Variants in NFATC1 observed in about 807,000 individuals in gnomAD.
The protein encoded by NFATC1 is nuclear factor of activated T cells 1.
In NFATC1, 22 loss-of-function variants were observed where a neutral mutation model predicts 76.0. That is an observed-to-expected ratio of 0.29 (90% CI 0.21 to 0.41). The LOEUF (loss-of-function observed/expected upper bound fraction) is 0.41, where lower values mean the gene tolerates loss of function less well. NFATC1 is among the 10% of genes least tolerant of loss of function. The pLI is 1.00. For missense variants in NFATC1, 1,357 were observed against 1,337.7 expected, an observed-to-expected ratio of 1.01 and a Z score of -0.23; for synonymous variants, 704 against 613.1, an observed-to-expected ratio of 1.15 and a Z score of -2.19.
At chr18:79,445,612 C>T (rs963136005) in intron 3 of NFATC1, among the ~76,000 whole-genome samples, 19 of 152,218 alleles carry the variant, frequency 1.2e-4, no homozygotes, top group Admixed American at 5.2e-4. Context: ...GGGTTGAAAC[C>T]GGTTTGTGAG....
chr18:79,407,393 G>T (rs1458366385), intron 1 of NFATC1, among the ~76,000 whole-genome samples: 1 of 152,172 alleles, frequency 6.6e-6, no homozygotes, highest in East Asian at 1.9e-4. Context: ...CCCAGCTCCA[G>T]CTCCACCCCA....
At chr18:79,450,381 AATTT>A (rs1170791193) in intron 4 of NFATC1, among the ~76,000 whole-genome samples, 9 of 149,140 alleles carry the variant, frequency 6.0e-5, no homozygotes, top group African/African-American at 2.0e-4. Context: ...ATAATAGAAT[AATTT>A]ATTCTAATTA....
chr18:79,466,705 G>A (rs1182213993), intron 7 of NFATC1, among the ~76,000 whole-genome samples: 1 of 152,228 alleles, frequency 6.6e-6, no homozygotes, highest in Non-Finnish European at 1.5e-5. Flanking sequence ...GTCTGCGGGG[G>A]TCAGGGCCTG....
intron 1 of NFATC1, among the ~76,000 whole-genome samples, chr18:79,401,443 C>A (rs932758426): frequency 1.3e-5 from 2 of 152,082 alleles, no homozygotes; most frequent in Non-Finnish European, 2.9e-5. Context: ...TCACCACTCC[C>A]CAAATGTCTT....
intron 2 of NFATC1, among the ~76,000 whole-genome samples, chr18:79,423,102 T>C (rs1324651429): frequency 2.0e-5 from 3 of 149,400 alleles, no homozygotes; most frequent in African/African-American, 7.4e-5. Flanking sequence ...CTGGGAGGGT[T>C]GGGGCGCGTA....
intron 1 of NFATC1, chr18:79,400,612 G>A (rs1287787618): frequency 2.6e-6 from 2 of 764,258 alleles, no homozygotes; most frequent in Non-Finnish European, 1.8e-6. Flanking sequence ...GAGGGGCTAC[G>A]GCGGGGGACG....
chr18:79,400,235 A>C (rs56376587), intron 1 of NFATC1: 549,531 of 1,192,814 alleles, frequency 0.46, 130,411 homozygotes, highest in Middle Eastern at 0.5. Flanking sequence ...CCGGTTGTTT[A>C]TGTAAACCCG....
chr18:79,443,081 C>T (rs1027689601), intron 3 of NFATC1, among the ~76,000 whole-genome samples: 1 of 152,130 alleles, frequency 6.6e-6, no homozygotes, highest in East Asian at 1.9e-4. Flanking sequence ...GTTTTTCAGT[C>T]GCGGCTGGAA....
chr18:79,445,052 C>T (rs73969267), intron 3 of NFATC1, among the ~76,000 whole-genome samples: 5,792 of 152,314 alleles, frequency 0.038, 328 homozygotes, highest in African/African-American at 0.13. Context: ...GGGGTGTGTC[C>T]TGGTCCTCCA....
intron 2 of NFATC1, among the ~76,000 whole-genome samples, chr18:79,426,429 G>A (rs1600676813): frequency 2.0e-5 from 3 of 152,080 alleles, no homozygotes; most frequent in African/African-American, 4.8e-5. Flanking sequence ...TCCATGCCAC[G>A]TCCCATGCCG....
intron 1 of NFATC1, among the ~76,000 whole-genome samples, chr18:79,398,929 T>C (rs2148120166): frequency 6.6e-6 from 1 of 152,010 alleles, no homozygotes; most frequent in South Asian, 2.1e-4. Context: ...TAGCTGAGAG[T>C]GGTGGCGGGT....
chr18:79,423,527 A>G (rs998906298), intron 2 of NFATC1, among the ~76,000 whole-genome samples: 2 of 152,134 alleles, frequency 1.3e-5, no homozygotes, highest in East Asian at 1.9e-4. Context: ...CCGTGGCCAC[A>G]TCGGTCCTGG....
intron 1 of NFATC1, chr18:79,400,567 CG>C: frequency 1.7e-6 from 2 of 1,198,424 alleles, no homozygotes; most frequent in Non-Finnish European, 1.1e-6. Flanking sequence ...CGTCGCTCCC[CG>C]GGGACCCCAG....
chr18:79,411,849 T>G (rs2085699082), intron 2 of NFATC1, among the ~76,000 whole-genome samples: 1 of 152,250 alleles, frequency 6.6e-6, no homozygotes, highest in Non-Finnish European at 1.5e-5. Context: ...GGCTTCCACG[T>G]GGGAATTCCG....
chr18:79,510,288 A>G (rs2145169957), intron 9 of NFATC1, among the ~76,000 whole-genome samples: 1 of 152,282 alleles, frequency 6.6e-6, no homozygotes, highest in South Asian at 2.1e-4. Context: ...AAAAGATGAC[A>G]TAGAATGAGT....
chr18:79,491,556 C>T (rs2089677039), intron 9 of NFATC1, among the ~76,000 whole-genome samples: 1 of 152,208 alleles, frequency 6.6e-6, no homozygotes, highest in East Asian at 1.9e-4. Context: ...AGGCCAGGGA[C>T]CTCCTGGCCA....
intron 9 of NFATC1, among the ~76,000 whole-genome samples, chr18:79,488,100 C>T (rs566136555): frequency 3.7e-4 from 56 of 152,242 alleles, no homozygotes; most frequent in Non-Finnish European, 5.7e-4. Context: ...GACTCCCGGG[C>T]GTCAGGAGCT....
chr18:79,443,809 A>G (rs2087083751), intron 3 of NFATC1, among the ~76,000 whole-genome samples: 1 of 152,218 alleles, frequency 6.6e-6, no homozygotes. Context: ...CAGGCTGCCC[A>G]GAGACCCCAG....
chr18:79,404,428 A>C (rs1192479985), intron 1 of NFATC1, among the ~76,000 whole-genome samples: 1 of 152,208 alleles, frequency 6.6e-6, no homozygotes, highest in Non-Finnish European at 1.5e-5. Flanking sequence ...AGCGTTTCCC[A>C]GGCCTGCTAA....
Sources: gnomAD v4.1 joint callset for allele counts (sites outside exome capture counted in the v4.1 genomes callset) on GRCh38, gnomAD v4.1.1 for gene constraint, MANE v1.5 for transcripts, NCBI Gene and HGNC (gene_info 2026-07-23, HGNC 2026-07-21) for gene names.